Variants in PPFIBP2 observed in about 807,000 individuals in gnomAD.
PPFIBP2 encodes the protein liprin-beta-2.
PPFIBP2 carries 118 observed loss-of-function variants against 118.3 expected under a neutral mutation model. The ratio of observed to expected loss-of-function variants is 1.00; its 90% confidence interval spans 0.86 to 1.16. The LOEUF is 1.16. Ranked by LOEUF, PPFIBP2 falls within the 50% of genes most tolerant of loss-of-function variation. The pLI, the probability that PPFIBP2 is intolerant of heterozygous loss-of-function variation, is 0.00. For missense variants in PPFIBP2, 1,195 were observed against 1,073.1 expected (o/e 1.11, Z -1.59); for synonymous variants, 414 against 397.4 (o/e 1.04, Z -0.50).
At chr11:7,590,679 C>T (rs1859089605) in intron 3 of PPFIBP2, among the ~76,000 whole-genome samples, 1 of 152,192 alleles carries the variant, frequency 6.6e-6, no homozygotes, top group Non-Finnish European at 1.5e-5. Context: ...ACATGTTGAG[C>T]ACAAGGTGCT....
chr11:7,544,950 T>TC (rs922979021), intron 1 of PPFIBP2, among the ~76,000 whole-genome samples: 2 of 151,998 alleles, frequency 1.3e-5, no homozygotes, highest in Admixed American at 6.6e-5. Flanking sequence ...GAGCCCTGGC[T>TC]CCCTAGGAGA....
chr11:7,547,693 C>T (rs1185070092), intron 1 of PPFIBP2, among the ~76,000 whole-genome samples: 2 of 152,118 alleles, frequency 1.3e-5, no homozygotes, highest in African/African-American at 4.8e-5. Flanking sequence ...CCTTTTCTGG[C>T]TCCTGCCAGG....
intron 4 of PPFIBP2, among the ~76,000 whole-genome samples, chr11:7,594,916 CA>C (rs58084975): frequency 0.084 from 5,368 of 63,902 alleles, 51 homozygotes; most frequent in African/African-American, 0.16. Context: ...GACTCCATCT[CA>C]AAAAAAAAAA....
chr11:7,656,614 C>A (rs1219673784), downstream of PPFIBP2: 2 of 599,226 alleles, frequency 3.3e-6, no homozygotes, highest in Non-Finnish European at 2.7e-6. Flanking sequence ...ACTTATAGTG[C>A]ACCTGTGTCA....
chr11:7,516,515 T>C (rs1181922349), intron 1 of PPFIBP2, among the ~76,000 whole-genome samples: 1 of 152,136 alleles, frequency 6.6e-6, no homozygotes, highest in African/African-American at 2.4e-5. Flanking sequence ...GTTCTTGTAT[T>C]GGTTCGAACC....
chr11:7,535,930 A>G (rs1294425334), intron 1 of PPFIBP2, among the ~76,000 whole-genome samples: 2 of 152,124 alleles, frequency 1.3e-5, no homozygotes, highest in African/African-American at 2.4e-5. Context: ...GCATAGTTCA[A>G]TGAGGGACCC....
chr11:7,635,716 G>T, intron 14 of PPFIBP2, 123 bp downstream of exon 14: 2 of 997,192 alleles, frequency 2.0e-6, no homozygotes, highest in Non-Finnish European at 3.1e-6. Flanking sequence ...GAGGGCAAGA[G>T]GAAAGACGCA....
chr11:7,545,476 T>C (rs1353220368), intron 1 of PPFIBP2, among the ~76,000 whole-genome samples: 1 of 152,168 alleles, frequency 6.6e-6, no homozygotes, highest in Admixed American at 6.5e-5. Flanking sequence ...ATTCACATAA[T>C]GTTTTTACAG....
chr11:7,570,697 G>A (rs1228434177), intron 3 of PPFIBP2, among the ~76,000 whole-genome samples: 1 of 152,160 alleles, frequency 6.6e-6, no homozygotes, highest in African/African-American at 2.4e-5. Flanking sequence ...CAAGAGTCCT[G>A]GTCAGTGTGC....
At chr11:7,631,562 C>G (rs1191719291) in intron 11 of PPFIBP2, among the ~76,000 whole-genome samples, 2 of 152,018 alleles carry the variant, frequency 1.3e-5, no homozygotes, top group African/African-American at 4.8e-5. Flanking sequence ...AAATCTGGTC[C>G]TATTGTATGA....
chr11:7,665,198 T>G, the PPFIBP2 span: 2 of 506,180 alleles, frequency 4.0e-6, no homozygotes, highest in Non-Finnish European at 6.8e-6. Flanking sequence ...CAGCAGCCAG[T>G]CTCCAGCCCC....
chr11:7,662,278 A>G, the PPFIBP2 span, among the ~76,000 whole-genome samples: 27 of 152,302 alleles, frequency 1.8e-4, no homozygotes, highest in South Asian at 4.1e-4. Context: ...TTTTGCAGCG[A>G]CTGGTACCGG....
chr11:7,651,768 CG>C lies in PPFIBP2; in HGVS notation c.2362del (p.Glu788ArgfsTer18), dbSNP rs1044793615. ...ACCAAGTTCAATGCCTTGATTGGTC[CG>C]GAGGCTGAACAGGAGAAGCGAGAGA... ...LTTKFNALIG[P>X]EAEQEKREKM... is the part of the protein sequence containing the mutation. On this transcript the variant is annotated frameshift_variant, in exon 23 of 24. Transcript: ENST00000299492. LOFTEE classifies it high-confidence loss of function. The C allele has an allele frequency of 6.2e-7, 1 of 1,614,068 alleles. No homozygotes were observed. Among genetic ancestry groups the C allele is most frequent in the African/African-American group, 1.3e-5 (1 of 75,028 alleles).
At chr11:7,666,675 A>C in the PPFIBP2 span, 1 of 606,692 alleles carries the variant, frequency 1.6e-6, no homozygotes, top group Non-Finnish European at 2.9e-6. Flanking sequence ...CTCGCTGCCA[A>C]CTCCCACGGC....
At position 7,524,374 on chromosome 11, in the gene PPFIBP2, A is replaced by G. The variant is rs566082849; in HGVS notation, c.-37+10253A>G. Reference sequence around the variant, plus strand: ...GGTTTTTACACAAATAACTAGCTCAATGCTGGACTGCTTCATGGAGGCAGT... The same window carrying G: ...GGTTTTTACACAAATAACTAGCTCAGTGCTGGACTGCTTCATGGAGGCAGT... On this transcript the variant is annotated intron_variant, in intron 1 of 23. Coordinates refer to ENST00000299492, the MANE Select transcript of PPFIBP2 (RefSeq NM_003621.5). Among the ~76,000 whole-genome samples, 26 of 152,310 alleles carry G rather than the reference A, an allele frequency of 1.7e-4. No individual in the cohort carries two copies. The South Asian group carries it at 5.0e-3, about 29-fold the overall frequency.
At chr11:7,650,127 A>G (rs1853760631) in intron 21 of PPFIBP2, among the ~76,000 whole-genome samples, 1 of 152,188 alleles carries the variant, frequency 6.6e-6, no homozygotes, top group African/African-American at 2.4e-5. Flanking sequence ...GAGAAGAAAT[A>G]GTATACGTAA....
At chr11:7,570,748 T>C (rs1855570044) in intron 3 of PPFIBP2, among the ~76,000 whole-genome samples, 1 of 152,248 alleles carries the variant, frequency 6.6e-6, no homozygotes, top group Admixed American at 6.5e-5. Context: ...TGAGGGAGTA[T>C]GGAAGGTAGG....
At chr11:7,595,268 G>A (rs1026978277) in intron 4 of PPFIBP2, among the ~76,000 whole-genome samples, 2 of 152,168 alleles carry the variant, frequency 1.3e-5, no homozygotes, top group Admixed American at 6.5e-5. Context: ...ATAGCACATT[G>A]TAGCACAGAT....
intron 5 of PPFIBP2, 90 bp downstream of exon 5, chr11:7,597,763 C>G (rs1565028854): frequency 2.8e-6 from 3 of 1,078,476 alleles, no homozygotes; most frequent in Admixed American, 2.0e-5. Context: ...CCCTCGCTGT[C>G]TGCTTTCCCA....
Sources: allele counts gnomAD v4.1 joint callset (sites outside exome capture counted in the v4.1 genomes callset), GRCh38; gene constraint gnomAD v4.1.1; transcripts MANE v1.5; gene names NCBI Gene and HGNC (gene_info 2026-07-23, HGNC 2026-07-21).